The following DUS1L variants were observed in gnomAD, a reference collection of about 807,000 sequenced individuals.
The protein encoded by DUS1L is tRNA-dihydrouridine(16/17) synthase [NAD(P)(+)]-like.
DUS1L carries 56 observed loss-of-function variants against 61.2 expected under a neutral mutation model. The ratio of observed to expected loss-of-function variants is 0.92; its 90% CI spans 0.74 to 1.14. The LOEUF is 1.14. Ranked by LOEUF, DUS1L falls within the 50% of genes most tolerant of loss-of-function variation. The pLI, the probability that DUS1L is intolerant of heterozygous loss-of-function variation, is 0.00. For missense variants in DUS1L, 630 were observed against 632.4 expected (o/e 1.00, Z 0.04); for synonymous variants, 278 against 259.5 (o/e 1.07, Z -0.69).
At chr17:82,058,560 G>A in intron 12 of DUS1L, 144 bp from the exon 13 acceptor site, 2 of 1,450,078 alleles carry the variant, frequency 1.4e-6, no homozygotes, top group Non-Finnish European at 9.0e-7. Context: ...CAAGCCAGAT[G>A]CCTCTCCCTC....
intron 2 of DUS1L, 113 bp from the exon 3 acceptor site, chr17:82,064,347 C>A: frequency 2.3e-6 from 2 of 863,560 alleles, no homozygotes; most frequent in Non-Finnish European, 3.6e-6. Flanking sequence ...AGGTTCACTG[C>A]AGGAGGGTGC....
chr17:82,062,028 C>T, intron 5 of DUS1L, 45 bp from the exon 6 acceptor site: 1 of 1,511,142 alleles, frequency 6.6e-7, no homozygotes, highest in Non-Finnish European at 8.9e-7. Context: ...GCCCCTTCCG[C>T]CCCTCAGAGC....
chr17:82,061,001 TCCA>T lies in DUS1L; in HGVS notation c.843-43_843-41del, dbSNP rs747226988. The T allele has an allele frequency of 3.6e-5, 58 of 1,593,290 alleles. No individual in the cohort carries two copies. The African/African-American group carries it at 6.3e-4, about 17-fold the overall frequency. The stretch of plus-strand genomic sequence containing the variant: ...CTGTCACGCAGGCTGGGCTCCCGGC[TCCA>T]CCGTCAGGCCCCAGGCTGAGCACTG... On this transcript the variant is annotated intron_variant, in intron 8 of 13. Transcript: ENST00000306796.
intron 7 of DUS1L, 121 bp downstream of exon 7, chr17:82,061,497 G>A (rs182101098): frequency 7.0e-7 from 1 of 1,425,004 alleles, no homozygotes; most frequent in Admixed American, 1.9e-5. Context: ...GACTGGGATT[G>A]ATGAACACCA....
intron 11 of DUS1L, 110 bp from the exon 12 acceptor site, chr17:82,058,928 G>T: frequency 9.9e-7 from 1 of 1,011,468 alleles, no homozygotes; most frequent in Non-Finnish European, 1.6e-6. Flanking sequence ...TGCCAGCTGT[G>T]GCCAGCCAGG....
chr17:82,061,812 G>A (rs1018489625), intron 6 of DUS1L, 89 bp downstream of exon 6: 73 of 1,591,670 alleles, frequency 4.6e-5, no homozygotes, highest in Non-Finnish European at 5.4e-5. Context: ...GGTCACGGGC[G>A]TCAGGCGTGC....
chr17:82,059,192 G>A, intron 11 of DUS1L: 1 of 229,610 alleles, frequency 4.4e-6, no homozygotes, highest in Non-Finnish European at 8.8e-6. Flanking sequence ...AAGCAAAAGG[G>A]CCAAGAAGGG....
At chr17:82,058,665 C>T in intron 12 of DUS1L, 116 bp downstream of exon 12, 2 of 1,562,920 alleles carry the variant, frequency 1.3e-6, no homozygotes, top group East Asian at 2.3e-5. Flanking sequence ...CCACCTTGAG[C>T]CACGTTGCAA....
chr17:82,058,888 C>T lies in DUS1L; in HGVS notation c.1169-70G>A, dbSNP rs367779231. The T allele has an allele frequency of 1.7e-4, 245 of 1,408,704 alleles. 1 individual carries two copies. The highest frequency in any genetic ancestry group is 2.1e-4 in the Non-Finnish European group (211 of 995,342). 87.3% of individuals were successfully genotyped at this position (1,408,704 alleles called of 1,614,324 possible). A position where few individuals can be genotyped will look rare whatever the true frequency, so the allele number is the denominator to read the frequency against. On this transcript the variant is annotated intron_variant, in intron 11 of 13. Transcript: ENST00000306796. ...CCCTGGCTGTGGGGGCTGCCCCGTC[C>T]GCCTGCACGGAGCCTGCTGATGGCG...
chr17:82,058,842 T>TG, intron 11 of DUS1L, 24 bp from the exon 12 acceptor site: 1 of 1,605,560 alleles, frequency 6.2e-7, no homozygotes, highest in Non-Finnish European at 8.5e-7. Context: ...AAAAGGGTGC[T>TG]GGTGAGTGAG....
rs1217882922 is a variant in DUS1L, at chr17:82,060,985, A to C, written c.843-24T>G. On this transcript the variant is annotated intron_variant, in intron 8 of 13. Coordinates refer to ENST00000306796, the MANE Select transcript of DUS1L (RefSeq NM_022156.5). Reference sequence around the variant, plus strand: ...GCCTGAGACAGAGGCCCTGTCACGCAGGCTGGGCTCCCGGCTCCACCGTCA... The same window carrying C: ...GCCTGAGACAGAGGCCCTGTCACGCCGGCTGGGCTCCCGGCTCCACCGTCA... The C allele has an allele frequency of 5.0e-6, 8 of 1,603,196 alleles. No individual in the cohort carries two copies. The East Asian group carries it at 1.8e-4, about 36-fold the overall frequency.
rs1345719907 is a variant in DUS1L at position 82,060,787 on chromosome 17, C to T, written c.940-4G>A. The stretch of plus-strand genomic sequence containing the variant: ...CCTCCTGCCTGGATATCTCCTCCTG[C>T]AAAAGCCCAAGGCCCTGGTCATGGC... On this transcript the variant is annotated splice_region_variant and splice_polypyrimidine_tract_variant and intron_variant, in intron 9 of 13. Coordinates refer to ENST00000306796, the MANE Select transcript of DUS1L (RefSeq NM_022156.5). 1 of 1,612,074 alleles carries T rather than the reference C, an allele frequency of 6.2e-7. No homozygotes were observed. Among genetic ancestry groups the T allele is most frequent in the East Asian group, 2.2e-5 (1 of 44,832 alleles).
At chr17:82,059,808 G>A (rs560800491) in intron 11 of DUS1L, 140 bp downstream of exon 11, 257 of 1,282,412 alleles carry the variant, frequency 2.0e-4, no homozygotes, top group Non-Finnish European at 2.5e-4. Context: ...TGACTACTCC[G>A]CCAAGCCCTC....
Position 82,065,011 on chromosome 17 carries a change from C to T in DUS1L, c.49G>A (p.Ala17Thr). 6.2e-7 allele frequency: 1 copy of T among 1,609,746 alleles called. No individual in the cohort carries two copies. The highest frequency in any genetic ancestry group is 8.5e-7 in the Non-Finnish European group (1 of 1,178,026). Residue 17 changes from alanine to threonine, a missense_variant, in exon 2 of 14, where the codon GCC (alanine) becomes ACC (threonine). Transcript: ENST00000306796. ...ACCATGGGGGCCACGACGTGGCGGG[C>T]CCCTCGCAGGGTGCGGCTCCAGAAC... The part of the protein sequence containing the change: ...FEFWSRTLRG[A>T]RHVVAPMVDQ...
At position 82,064,989 on chromosome 17, in the gene DUS1L, A is replaced by G. The variant is rs2033700445; in HGVS notation, c.71T>C (p.Met24Thr). ...CCAGGCCAGCTCGCTCTGGTCCACC[A>G]TGGGGGCCACGACGTGGCGGGCCCC... ...LRGARHVVAP[M>T]VDQSELAWRL... Residue 24 changes from methionine to threonine, a missense_variant, in exon 2 of 14, where the codon ATG becomes ACG. Physicochemically the swap from Met to Thr is moderately conservative, Grantham distance 81. Transcript: ENST00000306796. The G allele has an allele frequency of 3.1e-6, 5 of 1,611,728 alleles. No individual in the cohort carries two copies. Among genetic ancestry groups the G allele is most frequent in the Non-Finnish European group, 4.2e-6 (5 of 1,179,280 alleles).
intron 10 of DUS1L, 75 bp downstream of exon 10, chr17:82,060,626 G>T: frequency 6.5e-7 from 1 of 1,534,696 alleles, no homozygotes; most frequent in Non-Finnish European, 8.8e-7. Flanking sequence ...AAGCAGGGCA[G>T]GCGCAGCACT....
At chr17:82,061,007 G>T (rs375568108) in intron 8 of DUS1L, 46 bp from the exon 9 acceptor site, 2 of 1,588,488 alleles carry the variant, frequency 1.3e-6, no homozygotes, top group East Asian at 4.5e-5. Context: ...CGGCTCCACC[G>T]TCAGGCCCCA....
intron 4 of DUS1L, 71 bp downstream of exon 4, chr17:82,063,397 A>T: frequency 6.2e-7 from 1 of 1,606,042 alleles, no homozygotes. Flanking sequence ...AGCCCCAACC[A>T]AGTGGACAGT....
rs768534602 is a variant in DUS1L, at chr17:82,061,965, G to A, written c.529C>T (p.Arg177Cys). 19 of 1,608,706 alleles carry A rather than the reference G, an allele frequency of 1.2e-5. No individual in the cohort carries two copies. In the South Asian group the frequency reaches 1.2e-4, roughly 10 times the overall value. The change falls in exon 6 of 14, where the codon CGC becomes TGC. Residue 177 changes from arginine to cysteine, a missense_variant. Arg to Cys is a radical substitution (Grantham distance 180). Transcript: ENST00000306796. The stretch of plus-strand genomic sequence containing the variant: ...AGGGGCCCCTTCTGCTCCTTGGTGC[G>A]TCCGTGCACCGTCAGCAACTAGGAC... ...AGCQLLTVHG[R>C]TKEQKGPLSG...
Sources: allele counts gnomAD v4.1 joint callset, GRCh38; gene constraint gnomAD v4.1.1; transcripts MANE v1.5; gene names NCBI Gene and HGNC (gene_info 2026-07-23, HGNC 2026-07-21).